POLA1: variants seen among roughly 807,000 people sequenced by gnomAD.
The protein encoded by POLA1 is DNA polymerase alpha catalytic subunit.
POLA1 carries 15 observed loss-of-function variants against 124.0 expected under a neutral mutation model. The ratio of observed to expected loss-of-function variants is 0.12; its 90% CI spans 0.08 to 0.19. POLA1 has a LOEUF of 0.19. Ranked by LOEUF, POLA1 falls within the 10% of genes least tolerant of loss-of-function variation. POLA1 has a pLI of 1.00. For synonymous variants in POLA1, 408 were observed against 389.4 expected (o/e 1.05, Z -0.56); for missense variants, 886 against 1,103.4 (o/e 0.80, Z 2.79).
At chrX:24,954,562 C>A (rs1012132974) in intron 36 of POLA1, among the ~76,000 whole-genome samples, 2 of 112,363 alleles carry the variant, frequency 1.8e-5, no homozygotes, top group African/African-American at 6.5e-5. Flanking sequence ...TGTGACTGTA[C>A]CTTGAGCAAC....
chrX:24,948,318 A>G (rs2047993079), intron 36 of POLA1, among the ~76,000 whole-genome samples: 1 of 107,682 alleles, frequency 9.3e-6, no homozygotes, highest in Non-Finnish European at 1.9e-5. Context: ...ATAAAATACA[A>G]TTACTAAATT....
intron 26 of POLA1, among the ~76,000 whole-genome samples, chrX:24,768,560 G>A (rs1932964874): frequency 1.8e-5 from 2 of 112,110 alleles, no homozygotes; most frequent in Non-Finnish European, 3.8e-5. Flanking sequence ...AGTAATCTTT[G>A]CTTGATGAGC....
At chrX:24,695,124 C>T (rs1927889002) in intron 1 of POLA1, among the ~76,000 whole-genome samples, 1 of 111,688 alleles carries the variant, frequency 9.0e-6, no homozygotes, top group Non-Finnish European at 1.9e-5. Flanking sequence ...TCATGGTGTT[C>T]ATTAAGTAGT....
chrX:24,842,014 C>T, intron 33 of POLA1, 184 bp downstream of exon 33: 1 of 377,324 alleles, frequency 2.7e-6, no homozygotes, highest in Non-Finnish European at 4.5e-6. Context: ...TTTGAAAACT[C>T]TTACTTGAAT....
chrX:24,968,125 A>G (rs1413762399), intron 36 of POLA1, among the ~76,000 whole-genome samples: 2 of 111,934 alleles, frequency 1.8e-5, no homozygotes, highest in Admixed American at 9.5e-5. Flanking sequence ...TCAGTGTACC[A>G]TGGTGGCAGG....
At chrX:24,911,223 T>C (rs1456058349) in intron 35 of POLA1, among the ~76,000 whole-genome samples, 2 of 111,900 alleles carry the variant, frequency 1.8e-5, no homozygotes, top group Non-Finnish European at 3.8e-5. Flanking sequence ...CAATATATAC[T>C]GTGATGTGTA....
intron 34 of POLA1, among the ~76,000 whole-genome samples, chrX:24,846,942 C>T (rs1210118193): frequency 8.9e-6 from 1 of 112,306 alleles, no homozygotes; most frequent in Non-Finnish European, 1.9e-5. Flanking sequence ...ACTAGACACT[C>T]TTGGGATTGT....
At chrX:24,968,702 CAAAAAAA>C (rs1230409270) in intron 36 of POLA1, among the ~76,000 whole-genome samples, 3 of 33,970 alleles carry the variant, frequency 8.8e-5, no homozygotes, top group East Asian at 1.1e-3. Context: ...GACTCCATCT[CAAAAAAA>C]AAAAAAAAAA....
intron 4 of POLA1, among the ~76,000 whole-genome samples, chrX:24,709,285 C>T (rs1376933693): frequency 3.3e-5 from 3 of 91,957 alleles, no homozygotes; most frequent in African/African-American, 8.5e-5. Context: ...GCTGGCCAGG[C>T]GGGGGGCTGA....
intron 4 of POLA1, among the ~76,000 whole-genome samples, chrX:24,709,295 A>AC (rs1257070424): frequency 8.0e-5 from 4 of 49,785 alleles, no homozygotes; most frequent in East Asian, 7.5e-4. Flanking sequence ...CGGGGGGCTG[A>AC]CCCCCCCACC....
chrX:24,952,887 G>T (rs1370690209), intron 36 of POLA1, among the ~76,000 whole-genome samples: 1 of 112,194 alleles, frequency 8.9e-6, no homozygotes, highest in Non-Finnish European at 1.9e-5. Context: ...GGGTGATGTG[G>T]TGATACAGTG....
At chrX:24,768,936 G>T (rs2044968959) in intron 26 of POLA1, among the ~76,000 whole-genome samples, 1 of 112,072 alleles carries the variant, frequency 8.9e-6, no homozygotes, top group Non-Finnish European at 1.9e-5. Flanking sequence ...TTTGTGTCCT[G>T]TCTTTGGCCT....
At chrX:24,962,174 G>C (rs1470430825) in intron 36 of POLA1, among the ~76,000 whole-genome samples, 1 of 111,588 alleles carries the variant, frequency 9.0e-6, no homozygotes, top group Non-Finnish European at 1.9e-5. Context: ...AAAGAGGATA[G>C]GTGATGTGAT....
At chrX:24,710,237 A>C (rs1929311288) in intron 4 of POLA1, among the ~76,000 whole-genome samples, 1 of 110,647 alleles carries the variant, frequency 9.0e-6, no homozygotes, top group African/African-American at 3.3e-5. Flanking sequence ...CATTTTCATC[A>C]TCCAAAATGG....
chrX:24,817,277 C>T (rs771961520), intron 30 of POLA1, among the ~76,000 whole-genome samples: 1 of 111,601 alleles, frequency 9.0e-6, no homozygotes, highest in African/African-American at 3.3e-5. Context: ...ATAAGGAATA[C>T]GTGGTCCATA....
chrX:24,861,221 C>G (rs983035552), intron 34 of POLA1, among the ~76,000 whole-genome samples: 18 of 112,193 alleles, frequency 1.6e-4, no homozygotes, highest in African/African-American at 5.2e-4. Flanking sequence ...TAACTTCTGC[C>G]TCCCCAGCTC....
At chrX:24,698,589 A>G (rs1381298345) in intron 1 of POLA1, among the ~76,000 whole-genome samples, 2 of 112,041 alleles carry the variant, frequency 1.8e-5, no homozygotes, top group African/African-American at 6.5e-5. Flanking sequence ...CATGTTAGAT[A>G]GTAAGTTCTG....
intron 26 of POLA1, among the ~76,000 whole-genome samples, chrX:24,776,922 G>A (rs2045150335): frequency 8.9e-6 from 1 of 112,127 alleles, no homozygotes; most frequent in African/African-American, 3.2e-5. Context: ...AACCAGAATT[G>A]CTTTACCTTC....
At chrX:24,776,889 G>C (rs1363279684) in intron 26 of POLA1, among the ~76,000 whole-genome samples, 1 of 112,145 alleles carries the variant, frequency 8.9e-6, no homozygotes, top group African/African-American at 3.2e-5. Flanking sequence ...AGCTGAAACT[G>C]TATTTCTCAT....
Sources: gnomAD v4.1 joint callset for allele counts (sites outside exome capture counted in the v4.1 genomes callset) on GRCh38, gnomAD v4.1.1 for gene constraint, MANE v1.5 for transcripts, NCBI Gene and HGNC (gene_info 2026-07-23, HGNC 2026-07-21) for gene names.